Variants in C2CD3 observed in about 807,000 individuals in gnomAD.
The protein encoded by C2CD3 is C2 domain-containing protein 3.
Under a neutral mutation model 234.0 loss-of-function variants are expected in C2CD3, and 148 were observed. The ratio of observed to expected loss-of-function variants is 0.63; its 90% CI spans 0.55 to 0.72. The LOEUF is 0.72. Among genes scored for constraint, C2CD3 ranks in the 30% least tolerant of loss-of-function variants. The pLI, the probability that C2CD3 is intolerant of heterozygous loss-of-function variation, is 0.00. For synonymous variants in C2CD3, 1,000 were observed against 1,035.4 expected (o/e 0.97, Z 0.66); for missense variants, 2,577 against 2,811.5 (o/e 0.92, Z 1.89).
intron 21 of C2CD3, 44 bp from the exon 22 acceptor site, chr11:74,085,014 C>A: frequency 9.2e-7 from 1 of 1,089,050 alleles, no homozygotes; most frequent in Non-Finnish European, 1.4e-6. Flanking sequence ...ATGGTCTATT[C>A]ATCAAGGGGC....
intron 24 of C2CD3, among the ~76,000 whole-genome samples, chr11:74,064,920 A>G (rs1175183275): frequency 6.6e-6 from 1 of 152,228 alleles, no homozygotes; most frequent in African/African-American, 2.4e-5. Context: ...AAATTAATTC[A>G]AGATGGATTA....
chr11:74,034,792 C>T (rs763208676), intron 30 of C2CD3, among the ~76,000 whole-genome samples: 13 of 152,150 alleles, frequency 8.5e-5, no homozygotes, highest in East Asian at 1.9e-4. Flanking sequence ...GCTTTGGAGC[C>T]GGTCAATCTT....
chr11:74,092,333 G>A (rs1046420439), intron 19 of C2CD3, 83 bp downstream of exon 19: 1 of 1,287,718 alleles, frequency 7.8e-7, no homozygotes, highest in Non-Finnish European at 1.1e-6. Context: ...GGGATTAGAG[G>A]TGTGAACCAC....
intron 2 of C2CD3, among the ~76,000 whole-genome samples, chr11:74,167,592 C>T (rs947327368): frequency 1.3e-5 from 2 of 152,146 alleles, no homozygotes; most frequent in African/African-American, 4.8e-5. Context: ...CTTAACTCAC[C>T]CCTGGCTCTC....
intron 24 of C2CD3, 98 bp from the exon 25 acceptor site, chr11:74,057,642 T>C: frequency 8.0e-7 from 1 of 1,251,752 alleles, no homozygotes; most frequent in South Asian, 1.3e-5. Flanking sequence ...CTCTTCTTCC[T>C]ATGGGGTCTT....
intron 26 of C2CD3, among the ~76,000 whole-genome samples, chr11:74,051,082 T>A (rs1330216130): frequency 2.0e-5 from 3 of 150,790 alleles, no homozygotes; most frequent in Admixed American, 6.6e-5. Context: ...AGGCCAAGAG[T>A]TCGAGACCAG....
At chr11:74,060,305 G>A (rs1004181175) in intron 24 of C2CD3, among the ~76,000 whole-genome samples, 19 of 152,174 alleles carry the variant, frequency 1.2e-4, no homozygotes, top group Admixed American at 5.9e-4. Context: ...ATCTGAGAAC[G>A]GACAGACTGC....
At position 74,103,512 on chromosome 11, in the gene C2CD3, T is replaced by A. The variant is rs1356379833; in HGVS notation, c.2199A>T (p.Leu733=). 6.2e-7 allele frequency: 1 copy of A among 1,614,092 alleles called. No individual in the cohort carries two copies. The highest frequency in any genetic ancestry group is 8.5e-7 in the Non-Finnish European group (1 of 1,180,038). Residue 733 remains leucine, a synonymous_variant, in exon 14 of 33, where the codon CTA becomes CTT. Coordinates refer to ENST00000334126, the MANE Select transcript of C2CD3 (RefSeq NM_001286577.2). ...AGGTCATATCTTGGTTAAGTTCTGG[T>A]AGTGCCTTATTTGGACTTGTAGGAG... ...LCAPTSPNKA[L]PELNQDMTCT...
At chr11:74,133,772 T>C (rs1200854475) in intron 5 of C2CD3, 2 of 555,546 alleles carry the variant, frequency 3.6e-6, no homozygotes, top group African/African-American at 3.8e-5. Context: ...ATGCTGGCAT[T>C]GTAACAATGA....
chr11:74,115,366 C>G (rs1234407097), intron 9 of C2CD3, among the ~76,000 whole-genome samples: 4 of 152,046 alleles, frequency 2.6e-5, no homozygotes, highest in African/African-American at 7.2e-5. Context: ...TTCAGTTACC[C>G]ACTATTCTAA....
intron 5 of C2CD3, among the ~76,000 whole-genome samples, chr11:74,138,011 C>T (rs921084277): frequency 6.6e-6 from 1 of 152,182 alleles, no homozygotes; most frequent in African/African-American, 2.4e-5. Context: ...ATTTAAAAGA[C>T]TTTTCTGATG....
chr11:74,122,837 T>G (rs1957262382), intron 8 of C2CD3, 151 bp downstream of exon 8: 1 of 599,534 alleles, frequency 1.7e-6, no homozygotes, highest in Admixed American at 2.9e-5. Context: ...TCTCAACATC[T>G]GTAAAATGAA....
chr11:74,157,752 A>C (rs1405735826), intron 3 of C2CD3, among the ~76,000 whole-genome samples: 2 of 152,340 alleles, frequency 1.3e-5, no homozygotes, highest in Admixed American at 6.5e-5. Flanking sequence ...GAATATTCAG[A>C]ATTTTCTAGA....
At chr11:74,068,808 T>A (rs1954661913) in intron 24 of C2CD3, among the ~76,000 whole-genome samples, 1 of 152,162 alleles carries the variant, frequency 6.6e-6, no homozygotes, top group Non-Finnish European at 1.5e-5. Flanking sequence ...TTTATTTATT[T>A]ATTTATTTTT....
rs61901246 is a variant in C2CD3, at chr11:74,133,389, A to G, written c.1088+36T>C. On this transcript the variant is annotated intron_variant, in intron 6 of 32. Coordinates refer to ENST00000334126, the MANE Select transcript of C2CD3 (RefSeq NM_001286577.2). The stretch of plus-strand genomic sequence containing the variant: ...AACACAGGTTAACAACTATTAAGAA[A>G]TGAACTGTTAAGGTTCTGTCTATCC... 0.21 allele frequency: 337,787 copies of G among 1,587,574 alleles called. 40,059 individuals are homozygous for G. The highest frequency in any genetic ancestry group is 0.46 in the African/African-American group (34,206 of 74,212).
chr11:74,157,654 C>G (rs1243394315), intron 3 of C2CD3, among the ~76,000 whole-genome samples: 1 of 151,924 alleles, frequency 6.6e-6, no homozygotes, highest in East Asian at 1.9e-4. Context: ...CCTTTTTAGA[C>G]TATTTTCTTA....
intron 32 of C2CD3, among the ~76,000 whole-genome samples, chr11:74,021,507 A>G (rs901000217): frequency 1.3e-5 from 2 of 152,162 alleles, no homozygotes; most frequent in African/African-American, 4.8e-5. Flanking sequence ...AAGAAGAAGT[A>G]GGGGAAATGA....
rs1164549243 is a variant in C2CD3, at chr11:74,092,046, G to GTA, written c.3517+368_3517+369dup. ...TATATATATATATGTGTGTGTGTGT[G>GTA]TATATATATATATATTTTTTTTTTG... On this transcript the variant is annotated intron_variant, in intron 19 of 32. Transcript: ENST00000334126. Among the ~76,000 whole-genome samples the GTA allele has an allele frequency of 9.4e-5, 14 of 149,030 alleles. No homozygotes were observed. In the East Asian group the frequency reaches 9.7e-4, roughly 10 times the overall value.
rs1390338944 is a variant in C2CD3, at chr11:74,049,352, C to T, written c.5346G>A (p.Glu1782=). 1 of 1,614,070 alleles carries T rather than the reference C, an allele frequency of 6.2e-7. No individual in the cohort carries two copies. The highest frequency in any genetic ancestry group is 2.2e-5 in the East Asian group (1 of 44,888). Residue 1782 remains glutamate, a synonymous_variant, in exon 27 of 33, where the codon GAG becomes GAA. Coordinates refer to ENST00000334126, the MANE Select transcript of C2CD3 (RefSeq NM_001286577.2). ...KEERQARRGV[E]TSKSLIPIYS... ...CCATACATACCAGTGATTTTGAGGT[C>T]TCCACTCCACGCCTTGCTTGCCTTT...
Sources: allele counts gnomAD v4.1 joint callset (sites outside exome capture counted in the v4.1 genomes callset), GRCh38; gene constraint gnomAD v4.1.1; transcripts MANE v1.5; gene names NCBI Gene and HGNC (gene_info 2026-07-23, HGNC 2026-07-21).